GALNT17: variants seen among roughly 807,000 people sequenced by gnomAD.
GALNT17 encodes polypeptide N-acetylgalactosaminyltransferase 17.
A neutral mutation model predicts 63.7 loss-of-function variants in GALNT17; 29 were observed. That is an observed-to-expected ratio of 0.46 (90% confidence interval 0.34 to 0.62). The LOEUF (loss-of-function observed/expected upper bound fraction) is 0.62, where lower values mean the gene tolerates loss of function less well. GALNT17 is among the 20% of genes least tolerant of loss of function. GALNT17 has a pLI of 0.01. For missense variants in GALNT17, 603 were observed against 799.6 expected, an observed-to-expected ratio of 0.75 and a Z score of 2.97; for synonymous variants, 305 against 318.3, an observed-to-expected ratio of 0.96 and a Z score of 0.45.
intron 1 of GALNT17, among the ~76,000 whole-genome samples, chr7:71,303,828 G>T (rs1791242472): frequency 6.6e-6 from 1 of 152,034 alleles, no homozygotes; most frequent in Non-Finnish European, 1.5e-5. Context: ...TTCTCTTTCT[G>T]GAAGTCTGAC....
At chr7:71,286,219 T>G (rs2115785358) in intron 1 of GALNT17, among the ~76,000 whole-genome samples, 1 of 152,336 alleles carries the variant, frequency 6.6e-6, no homozygotes, top group East Asian at 1.9e-4. Context: ...GACCCTGAAC[T>G]TAAGCCTCAA....
chr7:71,553,788 C>T (rs570632224), intron 5 of GALNT17, among the ~76,000 whole-genome samples: 1 of 152,334 alleles, frequency 6.6e-6, no homozygotes, highest in African/African-American at 2.4e-5. Context: ...CCATTGAAAA[C>T]TCCATCTCTT....
chr7:71,298,800 A>G (rs567296440), intron 1 of GALNT17, among the ~76,000 whole-genome samples: 3 of 151,970 alleles, frequency 2.0e-5, no homozygotes, highest in East Asian at 1.9e-4. Flanking sequence ...ACCCAAATTC[A>G]TTTTGGATGT....
chr7:71,457,168 G>A (rs1214249246), intron 5 of GALNT17, among the ~76,000 whole-genome samples: 3 of 152,210 alleles, frequency 2.0e-5, no homozygotes, highest in Non-Finnish European at 4.4e-5. Flanking sequence ...CGTTTACATT[G>A]TCAGGGTGAA....
At chr7:71,180,621 G>A (rs751416743) in intron 1 of GALNT17, among the ~76,000 whole-genome samples, 10 of 152,258 alleles carry the variant, frequency 6.6e-5, no homozygotes, top group African/African-American at 1.4e-4. Context: ...TGAGGTGGAC[G>A]TATTAAATGG....
At chr7:71,644,067 G>C (rs1259068752) in intron 6 of GALNT17, among the ~76,000 whole-genome samples, 3 of 152,068 alleles carry the variant, frequency 2.0e-5, no homozygotes, top group African/African-American at 7.2e-5. Context: ...TCTTGTTTCT[G>C]GATACCTAAT....
chr7:71,189,872 G>A (rs1485994569), intron 1 of GALNT17, among the ~76,000 whole-genome samples: 1 of 149,668 alleles, frequency 6.7e-6, no homozygotes, highest in Non-Finnish European at 1.5e-5. Flanking sequence ...GTGCAATGGC[G>A]TGATCTCAGC....
intron 6 of GALNT17, among the ~76,000 whole-genome samples, chr7:71,612,133 C>A (rs1790134837): frequency 6.6e-6 from 1 of 152,146 alleles, no homozygotes; most frequent in Non-Finnish European, 1.5e-5. Context: ...TCCCCCAGTG[C>A]AGAAGATTTT....
chr7:71,589,549 GT>G (rs1461249525), intron 6 of GALNT17, among the ~76,000 whole-genome samples: 2 of 151,654 alleles, frequency 1.3e-5, no homozygotes, highest in Admixed American at 6.6e-5. Context: ...TCCAGCTTGG[GT>G]GACAAACTGA....
chr7:71,614,345 A>G (rs978493776), intron 6 of GALNT17, among the ~76,000 whole-genome samples: 1 of 151,600 alleles, frequency 6.6e-6, no homozygotes, highest in African/African-American at 2.4e-5. Flanking sequence ...TTTCCAAATT[A>G]TGGATGCTCA....
At chr7:71,369,241 G>T (rs1006625441) in intron 2 of GALNT17, among the ~76,000 whole-genome samples, 3 of 152,142 alleles carry the variant, frequency 2.0e-5, no homozygotes, top group Admixed American at 6.5e-5. Flanking sequence ...CCTAACCTAT[G>T]TCAGTAGATA....
At chr7:71,384,938 T>G (rs1175063670) in intron 2 of GALNT17, among the ~76,000 whole-genome samples, 1 of 152,182 alleles carries the variant, frequency 6.6e-6, no homozygotes, top group Non-Finnish European at 1.5e-5. Context: ...TTGTAGATAC[T>G]TCGTTTGACA....
intron 1 of GALNT17, among the ~76,000 whole-genome samples, chr7:71,249,968 C>T (rs1042360220): frequency 6.6e-5 from 10 of 152,202 alleles, no homozygotes; most frequent in African/African-American, 2.4e-4. Context: ...TGAAACTCTT[C>T]ATATGGAAGG....
At chr7:71,309,793 A>G (rs779438350) in intron 1 of GALNT17, among the ~76,000 whole-genome samples, 1 of 152,176 alleles carries the variant, frequency 6.6e-6, no homozygotes, top group Non-Finnish European at 1.5e-5. Context: ...TTTGCCAGAA[A>G]TGTTTAGAAT....
intron 1 of GALNT17, among the ~76,000 whole-genome samples, chr7:71,247,603 T>C (rs946627124): frequency 4.6e-5 from 7 of 152,300 alleles, no homozygotes; most frequent in African/African-American, 1.4e-4. Flanking sequence ...ATTACAGGCA[T>C]GCGCCATCGT....
intron 1 of GALNT17, among the ~76,000 whole-genome samples, chr7:71,197,192 C>CTTTTTTTTTTTTTTTTTTTTTTT (rs34276195): frequency 1.4e-5 from 1 of 69,768 alleles, no homozygotes; most frequent in Non-Finnish European, 2.5e-5. Context: ...CCCTGTTGTG[C>CTTTTTTTTTTTTTTTTTTTTTTT]TTTTTTTTTT....
At chr7:71,584,596 T>C (rs900708170) in intron 6 of GALNT17, among the ~76,000 whole-genome samples, 24 of 152,272 alleles carry the variant, frequency 1.6e-4, no homozygotes, top group African/African-American at 4.6e-4. Flanking sequence ...ACCCAGTCCA[T>C]GTTTTCTCAA....
intron 1 of GALNT17, among the ~76,000 whole-genome samples, chr7:71,268,672 A>T (rs1371852951): frequency 2.6e-5 from 4 of 152,082 alleles, no homozygotes; most frequent in East Asian, 1.9e-4. Context: ...GAACTGTGGC[A>T]CTCATAGGTC....
At chr7:71,428,243 C>T (rs1445397724) in intron 5 of GALNT17, among the ~76,000 whole-genome samples, 1 of 152,194 alleles carries the variant, frequency 6.6e-6, no homozygotes, top group African/African-American at 2.4e-5. Context: ...TAAGCAGTCA[C>T]TTCCTATTCC....
Sources: allele counts gnomAD v4.1 joint callset (sites outside exome capture counted in the v4.1 genomes callset), GRCh38; gene constraint gnomAD v4.1.1; transcripts MANE v1.5; gene names NCBI Gene and HGNC (gene_info 2026-07-23, HGNC 2026-07-21).